The following VIT variants were observed in gnomAD, a reference collection of about 807,000 sequenced individuals.
VIT encodes vitrin.
In VIT, 99 loss-of-function variants were observed where a neutral mutation model predicts 78.0. The ratio of observed to expected loss-of-function variants is 1.27; its 90% confidence interval spans 1.08 to 1.50. VIT has a LOEUF of 1.50. Among genes scored for constraint, VIT ranks in the 40% most tolerant of loss-of-function variants. The pLI, the probability that VIT is intolerant of heterozygous loss-of-function variation, is 0.00. For missense variants in VIT, 1,126 were observed against 875.3 expected, an observed-to-expected ratio of 1.29 and a Z score of -3.61; for synonymous variants, 374 against 334.3, an observed-to-expected ratio of 1.12 and a Z score of -1.29.
chr2:36,773,025 G>A (rs926198589), intron 7 of VIT, among the ~76,000 whole-genome samples: 3 of 152,054 alleles, frequency 2.0e-5, no homozygotes, highest in Non-Finnish European at 4.4e-5. Context: ...TGTTTCCTTC[G>A]CTCACAGAGT....
intron 2 of VIT, among the ~76,000 whole-genome samples, chr2:36,719,831 C>G (rs1666384027): frequency 6.6e-6 from 1 of 152,040 alleles, no homozygotes; most frequent in African/African-American, 2.4e-5. Context: ...GTCCTAGCTA[C>G]TGGGGAGTCT....
chr2:36,750,627 C>A (rs955338450), intron 4 of VIT, among the ~76,000 whole-genome samples: 3 of 151,918 alleles, frequency 2.0e-5, no homozygotes, highest in Admixed American at 1.3e-4. Flanking sequence ...TCGAGACCAG[C>A]CTGGCCAACA....
chr2:36,755,938 C>A (rs1250077867), intron 5 of VIT, among the ~76,000 whole-genome samples: 1 of 145,224 alleles, frequency 6.9e-6, no homozygotes, highest in Admixed American at 7.1e-5. Flanking sequence ...CACGGTAGTG[C>A]TTGAGGACAA....
chr2:36,697,289 A>G (rs1386578939), intron 1 of VIT, among the ~76,000 whole-genome samples: 1 of 152,242 alleles, frequency 6.6e-6, no homozygotes, highest in East Asian at 1.9e-4. Flanking sequence ...TTTTAAAGTA[A>G]TTTAAGTCTC....
chr2:36,800,464 G>A (rs1666240911), intron 12 of VIT, among the ~76,000 whole-genome samples: 1 of 152,214 alleles, frequency 6.6e-6, no homozygotes, highest in Non-Finnish European at 1.5e-5. Flanking sequence ...AGAGCACTAT[G>A]CCAAGCCTGG....
Position 36,791,604 on chromosome 2 carries a change from G to C in VIT, c.1058+4328G>C, listed in dbSNP as rs147711166. On this transcript the variant is annotated intron_variant, in intron 12 of 15. Transcript: ENST00000379242. The stretch of plus-strand genomic sequence containing the variant: ...TTTCCCAGCTATTGTCATTCAAAGG[G>C]AGGTGTGACGATGGAAGCATAGTCA... Among the ~76,000 whole-genome samples the C allele has an allele frequency of 5.0e-3, 765 of 152,324 alleles. 3 individuals are homozygous for C. Among genetic ancestry groups the C allele is most frequent in the Non-Finnish European group, 7.8e-3 (534 of 68,032 alleles).
chr2:36,770,931 C>T (rs7560249), intron 7 of VIT, among the ~76,000 whole-genome samples: 102,699 of 152,030 alleles, frequency 0.68, 35,495 homozygotes, highest in Admixed American at 0.78. Flanking sequence ...TCCTCCACCT[C>T]TCTACCCTGG....
intron 15 of VIT, among the ~76,000 whole-genome samples, chr2:36,811,440 C>T (rs1300100735): frequency 2.0e-5 from 3 of 152,194 alleles, no homozygotes; most frequent in African/African-American, 7.2e-5. Flanking sequence ...GAGGTGCTGT[C>T]AGCGCAGCCT....
At chr2:36,775,634 A>C (rs147825200) in intron 9 of VIT, among the ~76,000 whole-genome samples, 1 of 152,180 alleles carries the variant, frequency 6.6e-6, no homozygotes, top group Non-Finnish European at 1.5e-5. Context: ...TGCTCCCAAT[A>C]ATGCCACTCT....
At chr2:36,755,163 C>A in intron 5 of VIT, 109 bp downstream of exon 5, 1 of 1,237,066 alleles carries the variant, frequency 8.1e-7, no homozygotes, top group Non-Finnish European at 1.1e-6. Flanking sequence ...TCATAAAAAT[C>A]TGAAGCATTC....
At chr2:36,729,010 T>A (rs1667031985) in intron 2 of VIT, among the ~76,000 whole-genome samples, 1 of 152,042 alleles carries the variant, frequency 6.6e-6, no homozygotes, top group Non-Finnish European at 1.5e-5. Context: ...CCTCTAAAGG[T>A]GTACCACTTT....
intron 4 of VIT, among the ~76,000 whole-genome samples, chr2:36,750,506 A>T (rs1453455214): frequency 1.3e-5 from 2 of 152,082 alleles, no homozygotes; most frequent in African/African-American, 4.8e-5. Context: ...AGTAAATTTG[A>T]CCTCACCAAA....
intron 2 of VIT, among the ~76,000 whole-genome samples, chr2:36,720,731 A>G (rs1666453615): frequency 6.6e-6 from 1 of 152,208 alleles, no homozygotes; most frequent in African/African-American, 2.4e-5. Context: ...CTTTCAGGCC[A>G]GAAGTAGTGG....
intron 5 of VIT, among the ~76,000 whole-genome samples, 169 bp from the exon 6 acceptor site, chr2:36,758,800 C>CAAGCTATACAGG (rs1314013874): frequency 1.3e-5 from 2 of 152,114 alleles, no homozygotes; most frequent in Non-Finnish European, 2.9e-5. Context: ...TACAGGAAAA[C>CAAGCTATACAGG]AAAATGCCAC....
chr2:36,753,851 G>C (rs1470957005), intron 4 of VIT, among the ~76,000 whole-genome samples: 2 of 152,190 alleles, frequency 1.3e-5, no homozygotes, highest in African/African-American at 4.8e-5. Context: ...TTGAGAGGTA[G>C]ATGGGAGCAA....
chr2:36,701,036 T>G (rs1665021489), intron 1 of VIT, among the ~76,000 whole-genome samples: 1 of 152,058 alleles, frequency 6.6e-6, no homozygotes, highest in Admixed American at 6.6e-5. Context: ...TCCTGGTTTT[T>G]CTGTGACAGC....
intron 9 of VIT, among the ~76,000 whole-genome samples, chr2:36,779,923 G>T (rs1008587275): frequency 6.6e-6 from 1 of 151,874 alleles, no homozygotes; most frequent in Non-Finnish European, 1.5e-5. Flanking sequence ...GCAAAAAACT[G>T]GAGGCAAACC....
chr2:36,757,767 C>A (rs1393991892), intron 5 of VIT, among the ~76,000 whole-genome samples: 1 of 152,184 alleles, frequency 6.6e-6, no homozygotes, highest in Non-Finnish European at 1.5e-5. Flanking sequence ...ACATTTTTTC[C>A]ATTAGATGTC....
chr2:36,782,512 C>G (rs866894573), intron 10 of VIT, among the ~76,000 whole-genome samples: 4 of 152,360 alleles, frequency 2.6e-5, no homozygotes, highest in Middle Eastern at 3.4e-3. Flanking sequence ...GCACCTTCCT[C>G]CACTCCGGGG....
Sources: allele counts gnomAD v4.1 joint callset (sites outside exome capture counted in the v4.1 genomes callset), GRCh38; gene constraint gnomAD v4.1.1; transcripts MANE v1.5; gene names NCBI Gene and HGNC (gene_info 2026-07-23, HGNC 2026-07-21).